VPS13D: variants seen among roughly 807,000 people sequenced by gnomAD.
VPS13D encodes intermembrane lipid transfer protein VPS13D.
Under a neutral mutation model 461.9 loss-of-function variants are expected in VPS13D, and 187 were observed. The ratio of observed to expected loss-of-function variants is 0.40; its 90% CI spans 0.36 to 0.46. The LOEUF (loss-of-function observed/expected upper bound fraction) is 0.46, where lower values mean the gene tolerates loss of function less well. Ranked by LOEUF, VPS13D falls within the 20% of genes least tolerant of loss-of-function variation. The pLI is 0.60. For missense variants in VPS13D, 4,711 were observed against 5,364.9 expected, an observed-to-expected ratio of 0.88 and a Z score of 3.81; for synonymous variants, 1,951 against 1,986.3, an observed-to-expected ratio of 0.98 and a Z score of 0.47.
chr1:12,407,726 A>G (rs1032826807), intron 63 of VPS13D, among the ~76,000 whole-genome samples: 33 of 152,184 alleles, frequency 2.2e-4, no homozygotes, highest in Admixed American at 5.9e-4. Flanking sequence ...TAAGGGCCAG[A>G]ATATTTCCTC....
At chr1:12,449,623 T>G (rs919017765) in intron 65 of VPS13D, among the ~76,000 whole-genome samples, 11 of 152,222 alleles carry the variant, frequency 7.2e-5, no homozygotes, top group Non-Finnish European at 1.5e-4. Context: ...TTTGACAGTA[T>G]GAAACGGAAG....
At chr1:12,378,304 A>C in intron 55 of VPS13D, 124 bp from the exon 56 acceptor site, 1 of 841,112 alleles carries the variant, frequency 1.2e-6, no homozygotes, top group East Asian at 3.0e-5. Flanking sequence ...TATAATGTGG[A>C]AAACGTCTAA....
intron 37 of VPS13D, among the ~76,000 whole-genome samples, 200 bp downstream of exon 37, chr1:12,330,118 TA>T (rs1287742001): frequency 2.6e-5 from 4 of 152,136 alleles, no homozygotes; most frequent in African/African-American, 9.7e-5. Flanking sequence ...ATGTTGCAAC[TA>T]AAAAGATGTT....
At chr1:12,245,628 G>A (rs550596904) in intron 5 of VPS13D, among the ~76,000 whole-genome samples, 29 of 152,256 alleles carry the variant, frequency 1.9e-4, no homozygotes, top group African/African-American at 6.7e-4. Flanking sequence ...GGAGGCTGGG[G>A]CAAGAGGATG....
intron 31 of VPS13D, among the ~76,000 whole-genome samples, chr1:12,318,647 G>A (rs1342960537): frequency 6.6e-6 from 1 of 152,114 alleles, no homozygotes; most frequent in African/African-American, 2.4e-5. Flanking sequence ...TTTGCCGTTT[G>A]ATCTTTAGGG....
intron 65 of VPS13D, among the ~76,000 whole-genome samples, chr1:12,423,251 A>G (rs747123685): frequency 2.6e-5 from 4 of 152,188 alleles, no homozygotes; most frequent in Admixed American, 1.3e-4. Context: ...TGACTTTCCC[A>G]AGATCAGCCA....
At chr1:12,380,728 G>T (rs1644262051) in intron 57 of VPS13D, among the ~76,000 whole-genome samples, 1 of 152,190 alleles carries the variant, frequency 6.6e-6, no homozygotes, top group Non-Finnish European at 1.5e-5. Flanking sequence ...TCTTGATAGA[G>T]AACTCTGAGT....
intron 5 of VPS13D, among the ~76,000 whole-genome samples, chr1:12,245,981 C>T (rs1640539145): frequency 6.6e-6 from 1 of 152,110 alleles, no homozygotes; most frequent in Admixed American, 6.5e-5. Context: ...TATGGATTGT[C>T]AAAGATTAAA....
intron 5 of VPS13D, among the ~76,000 whole-genome samples, chr1:12,247,224 A>C (rs1640579082): frequency 6.6e-6 from 1 of 152,090 alleles, no homozygotes; most frequent in African/African-American, 2.4e-5. Flanking sequence ...GGAGATCGAG[A>C]CCAGCCTGGT....
rs1177710479 is a variant in VPS13D, at chr1:12,385,374, G to T, written c.11484+1G>T. Reference sequence around the variant, plus strand: ...TCCAGATACAGAGCAGGAATTGGAAGTAAGGTCTAAATATTGTGAATTTAT... The same window carrying T: ...TCCAGATACAGAGCAGGAATTGGAATTAAGGTCTAAATATTGTGAATTTAT... On this transcript the variant is annotated splice_donor_variant, in intron 59 of 69. Transcript: ENST00000620676. LOFTEE classifies it high-confidence loss of function. 3 of 1,608,624 alleles carry T rather than the reference G, an allele frequency of 1.9e-6. No individual in the cohort carries two copies. Among genetic ancestry groups the T allele is most frequent in the Non-Finnish European group, 2.5e-6 (3 of 1,177,016 alleles).
At chr1:12,316,010 T>C (rs904801551) in intron 30 of VPS13D, among the ~76,000 whole-genome samples, 2 of 151,808 alleles carry the variant, frequency 1.3e-5, no homozygotes, top group African/African-American at 4.8e-5. Flanking sequence ...AGAAACGGGG[T>C]TTCACCATAT....
At chr1:12,343,279 A>G (rs1223365839) in intron 42 of VPS13D, among the ~76,000 whole-genome samples, 2 of 150,792 alleles carry the variant, frequency 1.3e-5, no homozygotes, top group African/African-American at 2.4e-5. Flanking sequence ...GGATCAAGCA[A>G]CTCTCCTGCT....
chr1:12,334,726 G>A (rs987441516), intron 38 of VPS13D, among the ~76,000 whole-genome samples: 2 of 152,166 alleles, frequency 1.3e-5, no homozygotes, highest in African/African-American at 2.4e-5. Context: ...GATTGTGCCC[G>A]TGTACTCCAG....
intron 63 of VPS13D, among the ~76,000 whole-genome samples, chr1:12,409,216 A>G (rs1330006374): frequency 6.6e-6 from 1 of 152,184 alleles, no homozygotes; most frequent in Admixed American, 6.5e-5. Flanking sequence ...TTCTCTAGTA[A>G]CAAACTGTAG....
chr1:12,261,328 G>A (rs1641101856), intron 12 of VPS13D, among the ~76,000 whole-genome samples, 179 bp downstream of exon 12: 2 of 152,234 alleles, frequency 1.3e-5, no homozygotes, highest in African/African-American at 4.8e-5. Context: ...GACTAAATGT[G>A]CGTATTAATG....
At chr1:12,355,431 T>G (rs1643876838) in intron 47 of VPS13D, among the ~76,000 whole-genome samples, 1 of 152,232 alleles carries the variant, frequency 6.6e-6, no homozygotes, top group East Asian at 1.9e-4. Flanking sequence ...AGAGGATTTT[T>G]AGTATTCTAA....
chr1:12,399,479 G>A (rs1017899818), intron 60 of VPS13D, among the ~76,000 whole-genome samples: 5 of 152,108 alleles, frequency 3.3e-5, no homozygotes, highest in East Asian at 1.9e-4. Context: ...ACAGGTGTGA[G>A]CCACTGCGCC....
intron 22 of VPS13D, among the ~76,000 whole-genome samples, chr1:12,288,872 C>A (rs1642048536): frequency 6.6e-6 from 1 of 152,070 alleles, no homozygotes; most frequent in African/African-American, 2.4e-5. Context: ...GACAGGATCT[C>A]GCTTGGTTGC....
intron 65 of VPS13D, among the ~76,000 whole-genome samples, chr1:12,441,344 T>C (rs1024231660): frequency 1.3e-5 from 2 of 152,140 alleles, no homozygotes; most frequent in African/African-American, 4.8e-5. Context: ...TCAGGCACTG[T>C]CCGGGGCGGG....
Sources: allele counts gnomAD v4.1 joint callset (sites outside exome capture counted in the v4.1 genomes callset), GRCh38; gene constraint gnomAD v4.1.1; transcripts MANE v1.5; gene names NCBI Gene and HGNC (gene_info 2026-07-23, HGNC 2026-07-21).